MYO3A: variants seen among roughly 807,000 people sequenced by gnomAD.
MYO3A encodes the protein myosin-IIIa.
Under a neutral mutation model 192.7 loss-of-function variants are expected in MYO3A, and 180 were observed. The ratio of observed to expected loss-of-function variants is 0.93; its 90% CI spans 0.83 to 1.06. The LOEUF is 1.06. MYO3A is among the 50% of genes least tolerant of loss of function. The pLI, the probability that MYO3A is intolerant of heterozygous loss-of-function variation, is 0.00. For missense variants in MYO3A, 1,896 were observed against 1,905.0 expected (o/e 1.00, Z 0.09); for synonymous variants, 628 against 645.3 (o/e 0.97, Z 0.41).
chr10:25,960,241 A>G (rs1837839244), intron 4 of MYO3A, among the ~76,000 whole-genome samples: 1 of 152,128 alleles, frequency 6.6e-6, no homozygotes, highest in Non-Finnish European at 1.5e-5. Context: ...TCATTTGCCA[A>G]CTTTATGCTC....
At chr10:25,997,101 A>T (rs1313769516) in intron 5 of MYO3A, 58 bp from the exon 6 acceptor site, 26 of 1,397,542 alleles carry the variant, frequency 1.9e-5, no homozygotes, top group Middle Eastern at 2.0e-4. Context: ...ACATCATCTG[A>T]AAATTTTTAT....
intron 10 of MYO3A, among the ~76,000 whole-genome samples, chr10:26,054,253 AAGATC>A (rs1382292555): frequency 6.6e-6 from 1 of 152,220 alleles, no homozygotes; most frequent in African/African-American, 2.4e-5. Context: ...TGGTGGCTTA[AAGATC>A]AGTGTAGTAG....
At chr10:25,974,197 C>A (rs1323471205) in intron 4 of MYO3A, among the ~76,000 whole-genome samples, 11 of 152,206 alleles carry the variant, frequency 7.2e-5, no homozygotes, top group Admixed American at 7.2e-4. Flanking sequence ...ACGCATCCAA[C>A]AAAGGACTAA....
intron 25 of MYO3A, 51 bp from the exon 26 acceptor site, chr10:26,157,259 A>G (rs1432662094): frequency 2.6e-6 from 4 of 1,540,622 alleles, no homozygotes; most frequent in Non-Finnish European, 3.6e-6. Context: ...CTACAAGCTC[A>G]TACGTTTTTG....
chr10:25,962,800 G>A (rs1164808817), intron 4 of MYO3A, among the ~76,000 whole-genome samples: 2 of 152,122 alleles, frequency 1.3e-5, no homozygotes, highest in African/African-American at 4.8e-5. Flanking sequence ...AATCAAAATT[G>A]AGTTAAATCA....
Position 26,070,313 on chromosome 10 carries a change from T to A in MYO3A, c.1276-5T>A. The A allele has an allele frequency of 6.2e-7, 1 of 1,612,886 alleles. No homozygotes were observed. Among genetic ancestry groups the A allele is most frequent in the Middle Eastern group, 1.7e-4 (1 of 6,054 alleles). ...TCTTCTCACAGTTTTCTTTTCTATGTATAGTGCATTGTTATTTCTGGAGAA... is the reference window on the plus strand; with the variant it reads ...TCTTCTCACAGTTTTCTTTTCTATGAATAGTGCATTGTTATTTCTGGAGAA... On this transcript the variant is annotated splice_polypyrimidine_tract_variant and splice_region_variant and intron_variant, in intron 13 of 34. Coordinates refer to ENST00000642920, the MANE Select transcript of MYO3A (RefSeq NM_017433.5).
intron 20 of MYO3A, among the ~76,000 whole-genome samples, chr10:26,136,209 C>T (rs1356365448): frequency 1.3e-5 from 2 of 151,938 alleles, no homozygotes; most frequent in Non-Finnish European, 2.9e-5. Flanking sequence ...ATGGGTAGGA[C>T]CATAAAAAAG....
chr10:26,167,142 G>C (rs1418786651), intron 27 of MYO3A, among the ~76,000 whole-genome samples: 2 of 152,112 alleles, frequency 1.3e-5, no homozygotes, highest in Non-Finnish European at 2.9e-5. Flanking sequence ...GACCACTCAA[G>C]AATACCTACT....
chr10:26,199,068 T>C (rs753998605), intron 32 of MYO3A, among the ~76,000 whole-genome samples: 5 of 152,182 alleles, frequency 3.3e-5, no homozygotes, highest in African/African-American at 4.8e-5. Context: ...CGTGCTCCCC[T>C]TTTAGCCCCA....
At chr10:26,071,164 C>T (rs1263176924) in intron 14 of MYO3A, among the ~76,000 whole-genome samples, 1 of 151,852 alleles carries the variant, frequency 6.6e-6, no homozygotes, top group Non-Finnish European at 1.5e-5. Flanking sequence ...TGTAAAGCTG[C>T]AATAGTCAAG....
chr10:26,125,653 T>G, intron 19 of MYO3A, 45 bp downstream of exon 19: 1 of 1,491,346 alleles, frequency 6.7e-7, no homozygotes, highest in South Asian at 1.1e-5. Context: ...TGTCAGGTGA[T>G]GTAAGTCTAC....
At chr10:26,028,989 A>G (rs369258313) in intron 10 of MYO3A, among the ~76,000 whole-genome samples, 1 of 152,236 alleles carries the variant, frequency 6.6e-6, no homozygotes, top group Non-Finnish European at 1.5e-5. Flanking sequence ...TAAGATTTCC[A>G]TCTGTCCTAG....
intron 14 of MYO3A, among the ~76,000 whole-genome samples, chr10:26,071,012 A>T (rs1349116234): frequency 7.4e-6 from 1 of 134,950 alleles, no homozygotes; most frequent in Non-Finnish European, 1.7e-5. Context: ...TACAATAAAA[A>T]TCCAAACAGG....
intron 31 of MYO3A, among the ~76,000 whole-genome samples, chr10:26,190,715 G>T (rs1052646751): frequency 1.3e-5 from 2 of 152,100 alleles, no homozygotes. Flanking sequence ...AATGATGAAG[G>T]GTCAGAGACA....
At chr10:26,006,221 C>T (rs1396044796) in intron 6 of MYO3A, among the ~76,000 whole-genome samples, 2 of 152,038 alleles carry the variant, frequency 1.3e-5, no homozygotes, top group Non-Finnish European at 2.9e-5. Context: ...CTCTGGGACA[C>T]ATTCAAAGCA....
chr10:26,174,297 G>A lies in MYO3A; in HGVS notation c.4033G>A (p.Glu1345Lys). Residue 1345 changes from glutamate to lysine, a missense_variant, in exon 30 of 35, where the codon GAA becomes AAA. Physicochemically the swap from Glu to Lys is moderately conservative, Grantham distance 56. Coordinates refer to ENST00000642920, the MANE Select transcript of MYO3A (RefSeq NM_017433.5). Reference sequence around the variant, plus strand: ...TGAACCAGTGACACAGGCCCAGGAGGAAGAAGATAAAGCAGCGGTATTCAT... The same window carrying A: ...TGAACCAGTGACACAGGCCCAGGAGAAAGAAGATAAAGCAGCGGTATTCAT... Reference protein sequence around the residue: ...QVEPVTQAQEEEDKAAVFIQS... With the variant: ...QVEPVTQAQEKEDKAAVFIQS... The A allele has an allele frequency of 6.2e-7, 1 of 1,614,024 alleles. No homozygotes were observed. The highest frequency in any genetic ancestry group is 8.5e-7 in the Non-Finnish European group (1 of 1,179,902).
chr10:26,159,380 G>C (rs1449987907), intron 26 of MYO3A, among the ~76,000 whole-genome samples: 4 of 122,062 alleles, frequency 3.3e-5, no homozygotes, highest in African/African-American at 1.2e-4. Context: ...TTTTTTTTTA[G>C]ACAGAGTCTC....
At chr10:25,971,706 T>C (rs1251872150) in intron 4 of MYO3A, among the ~76,000 whole-genome samples, 1 of 152,244 alleles carries the variant, frequency 6.6e-6, no homozygotes, top group Non-Finnish European at 1.5e-5. Context: ...GAGAAGTCAG[T>C]TGTTAACATT....
chr10:26,021,123 C>A (rs1213443790), intron 7 of MYO3A, among the ~76,000 whole-genome samples: 2 of 152,284 alleles, frequency 1.3e-5, no homozygotes, highest in East Asian at 3.9e-4. Flanking sequence ...AAAAACATAG[C>A]CTTCATCTTT....
Sources: gnomAD v4.1 joint callset for allele counts (sites outside exome capture counted in the v4.1 genomes callset) on GRCh38, gnomAD v4.1.1 for gene constraint, MANE v1.5 for transcripts, NCBI Gene and HGNC (gene_info 2026-07-23, HGNC 2026-07-21) for gene names.